The following RASSF6 variants were observed in gnomAD, a reference collection of about 807,000 sequenced individuals.
RASSF6 encodes the protein Ras association domain family member 6, also known as ras association domain-containing protein 6.
A neutral mutation model predicts 44.0 loss-of-function variants in RASSF6; 52 were observed. The ratio of observed to expected loss-of-function variants is 1.18; its 90% confidence interval spans 0.95 to 1.49. RASSF6 has a LOEUF of 1.49. Ranked by LOEUF, RASSF6 falls within the 40% of genes most tolerant of loss-of-function variation. The pLI, the probability that RASSF6 is intolerant of heterozygous loss-of-function variation, is 0.00. For synonymous variants in RASSF6, 162 were observed against 124.6 expected (o/e 1.30, Z -2.00); for missense variants, 464 against 393.3 (o/e 1.18, Z -1.52).
At chr4:73,578,216 A>G (rs1171250332) in intron 8 of RASSF6, among the ~76,000 whole-genome samples, 2 of 152,236 alleles carry the variant, frequency 1.3e-5, no homozygotes, top group African/African-American at 2.4e-5. Flanking sequence ...GTGGAGCCCA[A>G]GAATGACTGG....
intron 5 of RASSF6, among the ~76,000 whole-genome samples, chr4:73,586,821 G>C (rs1430275667): frequency 6.6e-6 from 1 of 151,072 alleles, no homozygotes; most frequent in Non-Finnish European, 1.5e-5. Context: ...ATGGCATAAA[G>C]AGAAAAGGGA....
Position 73,574,213 on chromosome 4 carries a change from C to A in RASSF6, c.*2022G>T. ...GCTGGCCAACTACTGAGCCACTTGC[C>A]TGAGCTTTGTCTTGTGCAGTCTCGT... is the stretch of plus-strand genomic sequence containing the variant. On this transcript the variant is annotated 3_prime_UTR_variant, in exon 11 of 11. Coordinates refer to ENST00000307439, the MANE Select transcript of RASSF6 (RefSeq NM_177532.5). 1 of 152,594 alleles carries A rather than the reference C, an allele frequency of 6.6e-6. No individual in the cohort carries two copies. Among genetic ancestry groups the A allele is most frequent in the Non-Finnish European group, 1.5e-5 (1 of 68,254 alleles). 9.5% of individuals were successfully genotyped at this position (152,594 alleles called of 1,614,324 possible).
rs1234279965 is a variant in RASSF6, at chr4:73,574,478, G to GGCTGCAACCACACCTTCTCCAGTGA, written c.*1732_*1756dup. The stretch of plus-strand genomic sequence containing the variant: ...CAAGCCAGCAAACTTCTCTCCAGTG[G>GGCTGCAACCACACCTTCTCCAGTGA]GCTGCAACCACACCTTCTCCAGTGA... On this transcript the variant is annotated 3_prime_UTR_variant, in exon 11 of 11. Coordinates refer to ENST00000307439, the MANE Select transcript of RASSF6 (RefSeq NM_177532.5). 3 of 152,276 alleles carry GGCTGCAACCACACCTTCTCCAGTGA rather than the reference G, an allele frequency of 2.0e-5. No homozygotes were observed. Among genetic ancestry groups the GGCTGCAACCACACCTTCTCCAGTGA allele is most frequent in the African/African-American group, 2.4e-5 (1 of 41,396 alleles). The allele number at this position is 152,276 out of a possible 1,614,324, so 9.4% of individuals were successfully genotyped here.
intron 4 of RASSF6, 34 bp downstream of exon 4, chr4:73,593,414 ATCT>A: frequency 6.3e-7 from 1 of 1,575,924 alleles, no homozygotes; most frequent in Non-Finnish European, 8.6e-7. Flanking sequence ...TATGAAGATC[ATCT>A]TCTGAGGAAT....
chr4:73,610,228 T>C (rs1377132005), intron 2 of RASSF6, among the ~76,000 whole-genome samples: 2 of 152,152 alleles, frequency 1.3e-5, no homozygotes, highest in Admixed American at 6.5e-5. Context: ...CTTCTGGAAA[T>C]CCTATTGTGT....
At chr4:73,613,128 A>C (rs190321416) in intron 1 of RASSF6, among the ~76,000 whole-genome samples, 2 of 152,116 alleles carry the variant, frequency 1.3e-5, no homozygotes, top group African/African-American at 4.8e-5. Context: ...ATTGATTTAT[A>C]CCTTACTTTC....
At chr4:73,604,930 C>T (rs1360118539) in intron 2 of RASSF6, among the ~76,000 whole-genome samples, 1 of 142,150 alleles carries the variant, frequency 7.0e-6, no homozygotes, top group East Asian at 2.0e-4. Context: ...GCTCTTATTG[C>T]CCAGGCTGGA....
intron 3 of RASSF6, among the ~76,000 whole-genome samples, chr4:73,594,034 G>A (rs1578041148): frequency 1.3e-5 from 2 of 152,168 alleles, no homozygotes; most frequent in Admixed American, 1.3e-4. Flanking sequence ...AACTCACAAA[G>A]TTATGCAAAA....
At chr4:73,610,287 T>G (rs1188514443) in intron 2 of RASSF6, among the ~76,000 whole-genome samples, 4 of 152,216 alleles carry the variant, frequency 2.6e-5, no homozygotes, top group Non-Finnish European at 5.9e-5. Context: ...CTACCTCTAC[T>G]GCTGCCACCT....
At chr4:73,598,256 C>T (rs1578046724) in intron 3 of RASSF6, among the ~76,000 whole-genome samples, 1 of 152,138 alleles carries the variant, frequency 6.6e-6, no homozygotes, top group African/African-American at 2.4e-5. Context: ...TTTGACATTA[C>T]AGATGCATCA....
At chr4:73,588,809 C>CATCATCATA (rs2149375371) in intron 4 of RASSF6, among the ~76,000 whole-genome samples, 1 of 151,862 alleles carries the variant, frequency 6.6e-6, no homozygotes, top group Admixed American at 6.6e-5. Flanking sequence ...TCATCATCAT[C>CATCATCATA]ATCATCATCA....
chr4:73,591,235 A>C (rs1473683305), intron 4 of RASSF6, among the ~76,000 whole-genome samples: 1 of 152,200 alleles, frequency 6.6e-6, no homozygotes, highest in African/African-American at 2.4e-5. Context: ...ATGCATAAAA[A>C]CATGTATCCC....
chr4:73,599,571 C>G (rs1350438605), intron 2 of RASSF6, among the ~76,000 whole-genome samples: 1 of 152,196 alleles, frequency 6.6e-6, no homozygotes, highest in East Asian at 1.9e-4. Flanking sequence ...CAGGTGGGCC[C>G]TGGCAGTGGG....
chr4:73,619,944 C>CTAG (rs1367678385), intron 1 of RASSF6, among the ~76,000 whole-genome samples: 1 of 152,024 alleles, frequency 6.6e-6, no homozygotes, highest in Non-Finnish European at 1.5e-5. Flanking sequence ...ATCCAGAAGT[C>CTAG]TAGTATCTTT....
chr4:73,599,982 C>T (rs892885121), intron 2 of RASSF6, among the ~76,000 whole-genome samples: 7 of 152,056 alleles, frequency 4.6e-5, no homozygotes, highest in African/African-American at 1.7e-4. Context: ...ACTTGCTGAT[C>T]CCTCTGCCCA....
intron 8 of RASSF6, among the ~76,000 whole-genome samples, chr4:73,578,589 C>T (rs898003453): frequency 4.6e-5 from 7 of 151,788 alleles, no homozygotes; most frequent in Admixed American, 3.9e-4. Context: ...GTAATCATAT[C>T]GTGCTTGCTA....
At chr4:73,578,085 A>G (rs1041160196) in intron 8 of RASSF6, among the ~76,000 whole-genome samples, 12 of 149,928 alleles carry the variant, frequency 8.0e-5, no homozygotes, top group African/African-American at 2.7e-4. Flanking sequence ...GACACAAAAT[A>G]TAAAAGAAAA....
At position 73,572,173 on chromosome 4, in the gene RASSF6, G is replaced by A. The variant is rs1225609831; in HGVS notation, c.*4062C>T. On this transcript the variant is annotated 3_prime_UTR_variant, in exon 11 of 11. Coordinates refer to ENST00000307439, the MANE Select transcript of RASSF6 (RefSeq NM_177532.5). ...CTACTTCTAAAATGGCTGTTGACAGGAGGCCTCAATTCCCTGCTGGCATTT... is the reference window on the plus strand; with the variant it reads ...CTACTTCTAAAATGGCTGTTGACAGAAGGCCTCAATTCCCTGCTGGCATTT... 1.3e-5 allele frequency: 2 copies of A among 152,182 alleles called. No individual in the cohort carries two copies. Among genetic ancestry groups the A allele is most frequent in the South Asian group, 2.1e-4 (1 of 4,824 alleles). The allele number at this position is 152,182 out of a possible 1,614,324, so 9.4% of individuals were successfully genotyped here.
At chr4:73,597,315 G>A (rs1724998175) in intron 3 of RASSF6, among the ~76,000 whole-genome samples, 1 of 152,080 alleles carries the variant, frequency 6.6e-6, no homozygotes, top group Non-Finnish European at 1.5e-5. Flanking sequence ...GTGGGCAAAG[G>A]ACATGAGCAA....
Sources: allele counts gnomAD v4.1 joint callset (sites outside exome capture counted in the v4.1 genomes callset), GRCh38; gene constraint gnomAD v4.1.1; transcripts MANE v1.5; gene names NCBI Gene and HGNC (gene_info 2026-07-23, HGNC 2026-07-21).